The following TNNT2 variants were observed in gnomAD, a reference collection of about 807,000 sequenced individuals.
TNNT2 encodes the protein troponin T2, cardiac type.
In TNNT2, 34 loss-of-function variants were observed where a neutral mutation model predicts 62.4. The observed-to-expected ratio is 0.54, with a 90% CI of 0.41 to 0.72. The LOEUF is 0.72. TNNT2 is among the 30% of genes least tolerant of loss of function. TNNT2 has a pLI of 0.00. For synonymous variants in TNNT2, 123 were observed against 127.2 expected (o/e 0.97, Z 0.22); for missense variants, 275 against 381.9 (o/e 0.72, Z 2.33).
intron 15 of TNNT2, among the ~76,000 whole-genome samples, chr1:201,360,089 T>C (rs965103910): frequency 6.6e-6 from 1 of 152,154 alleles, no homozygotes; most frequent in Non-Finnish European, 1.5e-5. Flanking sequence ...GCACCACCCC[T>C]GCAGGGTGCT....
In TNNT2 at chr1:201,368,194, G is replaced by A. The variant is rs778730615; in HGVS notation, c.131C>T (p.Ala44Val). 7 of 1,614,008 alleles carry A rather than the reference G, an allele frequency of 4.3e-6. No individual in the cohort carries two copies. The highest frequency in any genetic ancestry group is 5.9e-6 in the Non-Finnish European group (7 of 1,180,026). ...CCTGGTCTCCTCGGTCTCAGCCTCT[G>A]CTTCAGCATCCTCTTCCGCTGCCTC... ...QEEAAEEDAE[A>V]EAETEETRAE... The change falls in exon 6 of 17, where the codon GCA (alanine) becomes GTA (valine). Residue 44 changes from alanine to valine, a missense_variant. Physicochemically the swap from Ala to Val is moderately conservative, Grantham distance 64. Transcript: ENST00000656932.
intron 1 of TNNT2, chr1:201,375,026 C>T (rs1661194916): frequency 6.6e-6 from 1 of 152,542 alleles, no homozygotes; most frequent in African/African-American, 2.4e-5. Flanking sequence ...CAATTTCAGA[C>T]CCAAGCCTCA....
At chr1:201,374,932 C>T (rs1198950623) in intron 1 of TNNT2, 3 of 152,228 alleles carry the variant, frequency 2.0e-5, no homozygotes, top group African/African-American at 7.2e-5. Flanking sequence ...GAGAAGAATC[C>T]AAATGATGCT....
chr1:201,372,448 C>A (rs930809940), intron 2 of TNNT2, among the ~76,000 whole-genome samples: 3 of 152,108 alleles, frequency 2.0e-5, no homozygotes, highest in African/African-American at 7.2e-5. Flanking sequence ...CCAAGCTGTA[C>A]CCCTTTCTAG....
At position 201,361,884 on chromosome 1, in the gene TNNT2, GCCCCAGGACCATTCCTC is replaced by G; in HGVS notation, c.719+12_719+28del. The stretch of plus-strand genomic sequence containing the variant: ...CCCTCCCAGAGCAGATGCGGGCAGT[GCCCCAGGACCATTCCTC>G]CCAGCCCCCACCTCAGCTGATCTTC... On this transcript the variant is annotated intron_variant, in intron 14 of 16. Transcript: ENST00000656932. 6.2e-7 allele frequency: 1 copy of G among 1,602,156 alleles called. No homozygotes were observed. The highest frequency in any genetic ancestry group is 8.6e-7 in the Non-Finnish European group (1 of 1,169,180).
At chr1:201,377,403 A>G (rs555329096) in intron 1 of TNNT2, among the ~76,000 whole-genome samples, 2 of 152,244 alleles carry the variant, frequency 1.3e-5, no homozygotes, top group South Asian at 4.1e-4. Context: ...CTAGTCTCCA[A>G]TGGCTACCAT....
intron 5 of TNNT2, chr1:201,368,462 C>T (rs1558240063): frequency 3.3e-6 from 2 of 610,566 alleles, no homozygotes. Flanking sequence ...GATGATGGGA[C>T]TCCACCTCAT....
At chr1:201,366,400 C>T (rs1367384002) in intron 8 of TNNT2, 7 of 1,070,786 alleles carry the variant, frequency 6.5e-6, no homozygotes, top group African/African-American at 4.9e-5. Flanking sequence ...GTGGGCTTCA[C>T]GTGTGTGGCA....
chr1:201,367,443 C>G, intron 7 of TNNT2: 1 of 510,984 alleles, frequency 2.0e-6, no homozygotes, highest in Non-Finnish European at 3.5e-6. Context: ...CCTACGGACA[C>G]CACATCCTAC....
chr1:201,359,034 A>G lies in TNNT2; in HGVS notation c.*176T>C. On this transcript the variant is annotated 3_prime_UTR_variant, in exon 17 of 17. Transcript: ENST00000656932. ...GCCAGTCAGTGTGTGGTGGCTTTTT[A>G]TTACTGGTGTGGAGTGGGTGTGGGG... 1 of 729,620 alleles carries G rather than the reference A, an allele frequency of 1.4e-6. No individual in the cohort carries two copies. The highest frequency in any genetic ancestry group is 1.6e-5 in the South Asian group (1 of 62,624). 45.2% of individuals were successfully genotyped at this position (729,620 alleles called of 1,614,324 possible).
intron 5 of TNNT2, among the ~76,000 whole-genome samples, chr1:201,368,619 C>A (rs1312287793): frequency 6.6e-6 from 1 of 152,188 alleles, no homozygotes; most frequent in Non-Finnish European, 1.5e-5. Flanking sequence ...CAAAAGAGTA[C>A]GACTGTGTGG....
At chr1:201,361,138 G>T (rs1331930991) in intron 15 of TNNT2, 141 bp downstream of exon 15, 2 of 828,006 alleles carry the variant, frequency 2.4e-6, no homozygotes, top group Non-Finnish European at 4.2e-6. Context: ...AGGCCAGGCA[G>T]CAGGGGCAGA....
chr1:201,367,160 G>T (rs1659816749), intron 7 of TNNT2: 1 of 544,336 alleles, frequency 1.8e-6, no homozygotes, highest in South Asian at 2.0e-5. Flanking sequence ...AAGCAATTTT[G>T]CTTCTCTTGT....
At chr1:201,361,454 C>G in intron 14 of TNNT2, 85 bp from the exon 15 acceptor site, 1 of 1,275,328 alleles carries the variant, frequency 7.8e-7, no homozygotes, top group Non-Finnish European at 1.1e-6. Flanking sequence ...CAGCCCCCAG[C>G]ATCCCAGCCC....
chr1:201,362,473 G>T, intron 12 of TNNT2, 79 bp from the exon 13 acceptor site: 1 of 1,549,138 alleles, frequency 6.5e-7, no homozygotes, highest in Non-Finnish European at 8.9e-7. Flanking sequence ...AAGGCAGGAA[G>T]ACAAAGGCAA....
chr1:201,370,240 G>T (rs951467253), intron 4 of TNNT2, among the ~76,000 whole-genome samples: 2 of 152,186 alleles, frequency 1.3e-5, no homozygotes, highest in African/African-American at 4.8e-5. Context: ...AGCAGAGAGT[G>T]GGGGACAATT....
At chr1:201,359,387 A>G (rs1218755783) in intron 16 of TNNT2, 132 bp from the exon 17 acceptor site, 2 of 1,183,910 alleles carry the variant, frequency 1.7e-6, no homozygotes, top group Non-Finnish European at 2.5e-6. Flanking sequence ...AGAATAGGAC[A>G]GCAGCCTGAG....
rs558469921 is a variant in TNNT2 at position 201,365,920 on chromosome 1, G to A, written c.234-250C>T. 8.0e-5 allele frequency: 108 copies of A among 1,343,122 alleles called. 2 individuals are homozygous for A. In the South Asian group the frequency reaches 1.4e-3, roughly 17 times the overall value. 83.2% of individuals were successfully genotyped at this position (1,343,122 alleles called of 1,614,324 possible). On this transcript the variant is annotated intron_variant, in intron 8 of 16. Transcript: ENST00000656932. ...ATGATATGCCCATGAAGTGGGTACC[G>A]TTAATCTCACTTAGGAGAACTGAGG...
intron 5 of TNNT2, among the ~76,000 whole-genome samples, chr1:201,369,151 G>A (rs1313886556): frequency 2.6e-5 from 4 of 152,164 alleles, no homozygotes; most frequent in Non-Finnish European, 4.4e-5. Context: ...ATATACCCCA[G>A]CCCACCCAGT....
Sources: gnomAD v4.1 joint callset for allele counts (sites outside exome capture counted in the v4.1 genomes callset) on GRCh38, gnomAD v4.1.1 for gene constraint, MANE v1.5 for transcripts, NCBI Gene and HGNC (gene_info 2026-07-23, HGNC 2026-07-21) for gene names.